KALRN: variants seen among roughly 807,000 people sequenced by gnomAD.
The protein encoded by KALRN is kalirin.
KALRN carries 70 observed loss-of-function variants against 353.7 expected under a neutral mutation model. The observed-to-expected ratio is 0.20, with a 90% CI of 0.16 to 0.24. The LOEUF is 0.24. Ranked by LOEUF, KALRN falls within the 10% of genes least tolerant of loss-of-function variation. KALRN has a pLI of 1.00. For missense variants in KALRN, 2,791 were observed against 3,756.7 expected (o/e 0.74, Z 6.72); for synonymous variants, 1,391 against 1,434.8 (o/e 0.97, Z 0.69).
chr3:124,105,164 A>G (rs1249928231), intron 1 of KALRN, among the ~76,000 whole-genome samples: 1 of 152,224 alleles, frequency 6.6e-6, no homozygotes, highest in Non-Finnish European at 1.5e-5. Flanking sequence ...AGAGAAAGCA[A>G]CAGGGATTTC....
chr3:124,065,567 C>A (rs2042281835), intron 1 of KALRN, among the ~76,000 whole-genome samples: 1 of 143,354 alleles, frequency 7.0e-6, no homozygotes, highest in East Asian at 2.1e-4. Flanking sequence ...ATTGTTAAAT[C>A]TAGGTTATGG....
At chr3:124,704,987 C>G (rs568757009) in intron 57 of KALRN, among the ~76,000 whole-genome samples, 2 of 152,282 alleles carry the variant, frequency 1.3e-5, no homozygotes, top group East Asian at 1.9e-4. Flanking sequence ...AAGGAGTGCT[C>G]TGGTAATTAA....
intron 10 of KALRN, among the ~76,000 whole-genome samples, chr3:124,383,305 T>TG (rs1305670037): frequency 6.6e-6 from 1 of 152,194 alleles, no homozygotes; most frequent in Non-Finnish European, 1.5e-5. Flanking sequence ...CTCAGTTTCC[T>TG]GGGGCTGTTG....
chr3:124,626,743 A>G (rs1357186163), intron 34 of KALRN, among the ~76,000 whole-genome samples: 2 of 152,238 alleles, frequency 1.3e-5, no homozygotes, highest in Non-Finnish European at 1.5e-5. Context: ...GGTTTTCCAC[A>G]TATAAACCTT....
At chr3:124,305,929 G>T (rs2077656513) in intron 6 of KALRN, among the ~76,000 whole-genome samples, 1 of 152,136 alleles carries the variant, frequency 6.6e-6, no homozygotes, top group Non-Finnish European at 1.5e-5. Flanking sequence ...GAAATCACCT[G>T]TGAGAGCAAC....
At chr3:124,670,000 C>T (rs1328333351) in intron 47 of KALRN, among the ~76,000 whole-genome samples, 2 of 147,120 alleles carry the variant, frequency 1.4e-5, no homozygotes, top group African/African-American at 5.1e-5. Context: ...GACAGAGTCT[C>T]GCTCTGTCGC....
At chr3:124,241,126 G>A (rs148366809) in intron 3 of KALRN, among the ~76,000 whole-genome samples, 1 of 152,180 alleles carries the variant, frequency 6.6e-6, no homozygotes, top group Non-Finnish European at 1.5e-5. Flanking sequence ...ATGCTACCTA[G>A]GGCTCCTCCC....
chr3:124,384,381 C>T (rs2087875283), intron 10 of KALRN, among the ~76,000 whole-genome samples: 1 of 152,192 alleles, frequency 6.6e-6, no homozygotes, highest in East Asian at 1.9e-4. Flanking sequence ...AAAAGATAAA[C>T]ACCAGTGGTT....
chr3:124,299,574 CTGTT>C (rs774531770), intron 6 of KALRN, among the ~76,000 whole-genome samples: 1 of 152,108 alleles, frequency 6.6e-6, no homozygotes, highest in Non-Finnish European at 1.5e-5. Context: ...TGTTTGCTAA[CTGTT>C]TGGCCAGATA....
intron 1 of KALRN, among the ~76,000 whole-genome samples, chr3:124,157,461 C>G (rs1024023146): frequency 6.6e-6 from 1 of 152,034 alleles, no homozygotes; most frequent in African/African-American, 2.4e-5. Flanking sequence ...TAGAAATACC[C>G]GAAATGTCTT....
At chr3:124,706,731 G>A (rs534555822) in intron 57 of KALRN, among the ~76,000 whole-genome samples, 161 of 151,628 alleles carry the variant, frequency 1.1e-3, no homozygotes, top group Non-Finnish European at 1.7e-3. Context: ...CACCATGCCC[G>A]GCTAATTTTT....
chr3:124,676,331 G>A (rs1370337839), intron 49 of KALRN, among the ~76,000 whole-genome samples: 1 of 152,122 alleles, frequency 6.6e-6, no homozygotes, highest in African/African-American at 2.4e-5. Flanking sequence ...GACTGAAAAA[G>A]GTTGTCAGCA....
chr3:124,057,039 T>C (rs866334942), intron 1 of KALRN, among the ~76,000 whole-genome samples: 1 of 152,234 alleles, frequency 6.6e-6, no homozygotes, highest in Non-Finnish European at 1.5e-5. Flanking sequence ...GAGTTATCCA[T>C]GTTGGCTGGC....
chr3:124,301,823 C>G (rs973022164), intron 6 of KALRN, among the ~76,000 whole-genome samples: 2 of 151,708 alleles, frequency 1.3e-5, no homozygotes, highest in African/African-American at 4.9e-5. Flanking sequence ...CGTTTCCGTT[C>G]TTGGAAATTA....
chr3:124,460,162 T>G (rs1158107372), intron 23 of KALRN, among the ~76,000 whole-genome samples: 1 of 152,200 alleles, frequency 6.6e-6, no homozygotes, highest in African/African-American at 2.4e-5. Flanking sequence ...CAGGGGCCAC[T>G]CTACTCCAGT....
intron 2 of KALRN, among the ~76,000 whole-genome samples, chr3:124,228,531 A>T (rs2078828694): frequency 6.6e-6 from 1 of 152,142 alleles, no homozygotes; most frequent in Non-Finnish European, 1.5e-5. Flanking sequence ...ATGACTTCCA[A>T]ATATTTATAT....
chr3:124,197,013 T>C (rs980294472), intron 1 of KALRN, among the ~76,000 whole-genome samples: 7 of 152,238 alleles, frequency 4.6e-5, no homozygotes, highest in Admixed American at 4.6e-4. Context: ...CTAAGCATTC[T>C]GATTTCAGAC....
At chr3:124,159,794 C>G (rs1356655823) in intron 1 of KALRN, among the ~76,000 whole-genome samples, 1 of 151,998 alleles carries the variant, frequency 6.6e-6, no homozygotes, top group Admixed American at 6.6e-5. Flanking sequence ...TGAACTCTCT[C>G]TGGACAATTT....
At chr3:124,311,942 A>G (rs1011932617) in intron 6 of KALRN, among the ~76,000 whole-genome samples, 73 of 152,216 alleles carry the variant, frequency 4.8e-4, no homozygotes, top group Non-Finnish European at 7.3e-4. Flanking sequence ...TGAAAAGTCC[A>G]GAATAGGCAA....
Sources: gnomAD v4.1 joint callset for allele counts (sites outside exome capture counted in the v4.1 genomes callset) on GRCh38, gnomAD v4.1.1 for gene constraint, MANE v1.5 for transcripts, NCBI Gene and HGNC (gene_info 2026-07-23, HGNC 2026-07-21) for gene names.